The following ETV6 variants were observed in gnomAD, a reference collection of about 807,000 sequenced individuals.
ETV6 encodes the protein transcription factor ETV6.
A neutral mutation model predicts 51.1 loss-of-function variants in ETV6; 16 were observed. The observed-to-expected ratio is 0.31, with a 90% CI of 0.21 to 0.48. The LOEUF (loss-of-function observed/expected upper bound fraction) is 0.48. ETV6 is among the 20% of genes least tolerant of loss of function. The pLI is 0.99. For synonymous variants in ETV6, 240 were observed against 224.1 expected, an observed-to-expected ratio of 1.07 and a Z score of -0.64; for missense variants, 458 against 594.8, an observed-to-expected ratio of 0.77 and a Z score of 2.39.
chr12:11,672,825 C>T (rs1383235403), intron 1 of ETV6, among the ~76,000 whole-genome samples: 1 of 152,118 alleles, frequency 6.6e-6, no homozygotes, highest in Non-Finnish European at 1.5e-5. Flanking sequence ...AAGTAAGATC[C>T]CCTTGGGGTG....
At chr12:11,754,943 A>G (rs1322143317) in intron 2 of ETV6, among the ~76,000 whole-genome samples, 1 of 152,242 alleles carries the variant, frequency 6.6e-6, no homozygotes, top group Non-Finnish European at 1.5e-5. Flanking sequence ...AAGGGCTTAG[A>G]CAATTTAAGT....
At position 11,649,894 on chromosome 12, in the gene ETV6, C is replaced by A. The variant is rs1863855746; in HGVS notation, c.-234C>A. ...GCGCCGCGCCGCGACCTGCAGACCC[C>A]GCCGCCGCGCTCGGGCCCGTCTCCC... On this transcript the variant is annotated 5_prime_UTR_variant, in exon 1 of 8. Transcript: ENST00000396373. 1 of 154,892 alleles carries A rather than the reference C, an allele frequency of 6.5e-6. No individual in the cohort carries two copies. Among genetic ancestry groups the A allele is most frequent in the South Asian group, 1.8e-4 (1 of 5,692 alleles). The allele number at this position is 154,892 out of a possible 1,614,324, so 9.6% of individuals were successfully genotyped here. A position where few individuals can be genotyped will look rare whatever the true frequency, so the allele number is the denominator to read the frequency against.
At chr12:11,740,355 C>A (rs1273338223) in intron 1 of ETV6, among the ~76,000 whole-genome samples, 1 of 152,148 alleles carries the variant, frequency 6.6e-6, no homozygotes, top group Non-Finnish European at 1.5e-5. Context: ...TTAAACTTTC[C>A]AGATTTTCCT....
In ETV6 at chr12:11,760,895, TG is replaced by T. The variant is rs1355619363; in HGVS notation, c.163+8317del. ...TTATATATATGTGTGTGTGTGTGTG[TG>T]TGTGTGTGTGTGTATATAAAAGTAT... is the stretch of plus-strand genomic sequence containing the variant. On this transcript the variant is annotated intron_variant, in intron 2 of 7. Transcript: ENST00000396373. 6.5e-3 allele frequency among the ~76,000 whole-genome samples: 933 copies of T among 143,120 alleles called. 10 individuals carry two copies. Among genetic ancestry groups the T allele is most frequent in the South Asian group, 0.038 (171 of 4,476 alleles). The allele number at this position is 143,120 out of a possible 152,430, so 93.9% of individuals were successfully genotyped here.
At chr12:11,675,345 A>T (rs928993816) in intron 1 of ETV6, among the ~76,000 whole-genome samples, 17 of 152,242 alleles carry the variant, frequency 1.1e-4, no homozygotes, top group African/African-American at 4.1e-4. Flanking sequence ...TAGTTATCCT[A>T]ATACATATTT....
At chr12:11,705,112 G>A (rs951117851) in intron 1 of ETV6, among the ~76,000 whole-genome samples, 1 of 152,162 alleles carries the variant, frequency 6.6e-6, no homozygotes, top group Non-Finnish European at 1.5e-5. Flanking sequence ...GAGACTTAAT[G>A]TACAACGCAA....
chr12:11,850,798 G>A (rs1946542502), intron 3 of ETV6, among the ~76,000 whole-genome samples: 1 of 152,192 alleles, frequency 6.6e-6, no homozygotes, highest in Non-Finnish European at 1.5e-5. Context: ...CCATGCTGCT[G>A]TCTTTCCTCA....
chr12:11,767,977 G>A (rs970594664), intron 2 of ETV6, among the ~76,000 whole-genome samples: 1 of 152,110 alleles, frequency 6.6e-6, no homozygotes, highest in South Asian at 2.1e-4. Flanking sequence ...TTCTCTTGGG[G>A]CTTTGGTTTA....
At chr12:11,690,648 G>A (rs1422157300) in intron 1 of ETV6, among the ~76,000 whole-genome samples, 2 of 152,020 alleles carry the variant, frequency 1.3e-5, no homozygotes, top group Non-Finnish European at 2.9e-5. Context: ...TAGCTCTTTG[G>A]GAGGCTGAGG....
intron 5 of ETV6, among the ~76,000 whole-genome samples, chr12:11,883,259 G>A (rs984178031): frequency 9.3e-5 from 12 of 129,022 alleles, no homozygotes; most frequent in Non-Finnish European, 1.6e-4. Flanking sequence ...AGGGGAAGGT[G>A]TACATCATGT....
chr12:11,730,850 A>G, intron 1 of ETV6, among the ~76,000 whole-genome samples: 1 of 152,194 alleles, frequency 6.6e-6, no homozygotes, highest in Non-Finnish European at 1.5e-5. Context: ...TATAATGTTC[A>G]ATTTATGCCT....
chr12:11,828,724 T>C (rs1332494146), intron 2 of ETV6, among the ~76,000 whole-genome samples: 1 of 152,146 alleles, frequency 6.6e-6, no homozygotes, highest in African/African-American at 2.4e-5. Flanking sequence ...CTGTACCTTC[T>C]TCCTAACGCT....
At chr12:11,875,126 T>G (rs1946963247) in intron 5 of ETV6, among the ~76,000 whole-genome samples, 1 of 152,144 alleles carries the variant, frequency 6.6e-6, no homozygotes, top group Non-Finnish European at 1.5e-5. Flanking sequence ...GAAAGGAAAT[T>G]CAGTAGGTGG....
chr12:11,768,148 A>T (rs1945190012), intron 2 of ETV6, among the ~76,000 whole-genome samples: 1 of 150,502 alleles, frequency 6.6e-6, no homozygotes, highest in African/African-American at 2.5e-5. Flanking sequence ...TAATGTGCTG[A>T]TATGTAGTTT....
intron 1 of ETV6, among the ~76,000 whole-genome samples, chr12:11,662,899 C>T (rs1864126406): frequency 6.6e-6 from 1 of 152,308 alleles, no homozygotes; most frequent in South Asian, 2.1e-4. Flanking sequence ...CAAGTGGGGT[C>T]TGTGTGGACA....
intron 2 of ETV6, 86 bp from the exon 3 acceptor site, chr12:11,839,054 T>G: frequency 7.2e-7 from 1 of 1,386,004 alleles, no homozygotes; most frequent in Non-Finnish European, 9.8e-7. Flanking sequence ...TTTTGTTAAC[T>G]ATTCAGAGAC....
chr12:11,781,608 C>A (rs1006770261), intron 2 of ETV6, among the ~76,000 whole-genome samples: 1 of 152,192 alleles, frequency 6.6e-6, no homozygotes, highest in Non-Finnish European at 1.5e-5. Flanking sequence ...ATTAATGCAA[C>A]AAAAGGTTAT....
At chr12:11,715,006 T>G (rs1337894109) in intron 1 of ETV6, among the ~76,000 whole-genome samples, 2 of 152,160 alleles carry the variant, frequency 1.3e-5, no homozygotes, top group Admixed American at 1.3e-4. Flanking sequence ...GATACCCACG[T>G]TACATGACAG....
intron 3 of ETV6, among the ~76,000 whole-genome samples, chr12:11,845,512 A>G (rs897693715): frequency 2.0e-5 from 3 of 152,136 alleles, no homozygotes; most frequent in Non-Finnish European, 4.4e-5. Context: ...TGATACTTAA[A>G]TTTTCCCACA....
Sources: allele counts gnomAD v4.1 joint callset (sites outside exome capture counted in the v4.1 genomes callset), GRCh38; gene constraint gnomAD v4.1.1; transcripts MANE v1.5; gene names NCBI Gene and HGNC (gene_info 2026-07-23, HGNC 2026-07-21).